DDX23: variants seen among roughly 807,000 people sequenced by gnomAD.
The protein encoded by DDX23 is DEAD-box helicase 23.
In DDX23, 33 loss-of-function variants were observed where a neutral mutation model predicts 102.7. That is an observed-to-expected ratio of 0.32 (90% CI 0.24 to 0.43). DDX23 has a LOEUF of 0.43. Among genes scored for constraint, DDX23 ranks in the 20% least tolerant of loss-of-function variants. DDX23 has a pLI of 1.00. For synonymous variants in DDX23, 352 were observed against 376.0 expected (o/e 0.94, Z 0.74); for missense variants, 549 against 1,086.6 (o/e 0.51, Z 6.96).
intron 1 of DDX23, among the ~76,000 whole-genome samples, chr12:48,850,610 G>C (rs963154550): frequency 6.6e-6 from 1 of 152,198 alleles, no homozygotes; most frequent in Non-Finnish European, 1.5e-5. Flanking sequence ...CCAGAATTGA[G>C]CTCTGGAACA....
chr12:48,849,401 C>T (rs1370996568), intron 1 of DDX23, among the ~76,000 whole-genome samples: 1 of 152,062 alleles, frequency 6.6e-6, no homozygotes, highest in Non-Finnish European at 1.5e-5. Context: ...CAGTGGCTCA[C>T]GCCTGTAATC....
At position 48,852,118 on chromosome 12, in the gene DDX23, C is replaced by T. The variant is rs1351924470; in HGVS notation, c.-35G>A. On this transcript the variant is annotated 5_prime_UTR_variant, in exon 1 of 17. Transcript: ENST00000308025. ...TCTGAACCGCCCAACGCGGCCTCAA[C>T]GTCGCGGAGCCGTCGCCATCTTTCC... is the stretch of plus-strand genomic sequence containing the variant. The T allele has an allele frequency of 1.3e-5, 2 of 152,398 alleles. No homozygotes were observed. The highest frequency in any genetic ancestry group is 4.8e-5 in the African/African-American group (2 of 41,468). 9.4% of individuals were successfully genotyped at this position (152,398 alleles called of 1,614,324 possible).
intron 5 of DDX23, 142 bp from the exon 6 acceptor site, chr12:48,838,222 G>C (rs566366062): frequency 8.2e-7 from 1 of 1,213,442 alleles, no homozygotes; most frequent in East Asian, 2.4e-5. Context: ...CCTTGGACTC[G>C]GTTATGGACT....
At chr12:48,846,496 C>T (rs2137496145) in intron 1 of DDX23, among the ~76,000 whole-genome samples, 1 of 152,226 alleles carries the variant, frequency 6.6e-6, no homozygotes, top group Middle Eastern at 3.4e-3. Context: ...ATAAAGAAAG[C>T]TCAATGGAGA....
chr12:48,832,008 TA>T lies in DDX23; in HGVS notation c.2064+69del. ...AGGGTGAGACTTGAAAGGAAGAGCC[TA>T]GGGGGCCCTGCTAGATTCAGAAAGC... On this transcript the variant is annotated intron_variant, in intron 15 of 16. Coordinates refer to ENST00000308025, the MANE Select transcript of DDX23 (RefSeq NM_004818.3). This position sits in a 1 kb window ranked among gnomAD's most constrained non-coding sequence, Gnocchi z 4.4. 1.4e-6 allele frequency: 2 copies of T among 1,430,348 alleles called. No individual in the cohort carries two copies. Among genetic ancestry groups the T allele is most frequent in the Non-Finnish European group, 2.0e-6 (2 of 1,016,430 alleles). 88.6% of individuals were successfully genotyped at this position (1,430,348 alleles called of 1,614,324 possible). A position where few individuals can be genotyped will look rare whatever the true frequency, so the allele number is the denominator to read the frequency against.
At chr12:48,846,981 T>C (rs1003904791) in intron 1 of DDX23, among the ~76,000 whole-genome samples, 3 of 152,234 alleles carry the variant, frequency 2.0e-5, no homozygotes, top group Non-Finnish European at 4.4e-5. Context: ...TTGGGATACA[T>C]TTCTCGCAAC....
chr12:48,849,800 C>T (rs748685697), intron 1 of DDX23, among the ~76,000 whole-genome samples: 1 of 152,162 alleles, frequency 6.6e-6, no homozygotes, highest in Non-Finnish European at 1.5e-5. Context: ...AGGAAAATAT[C>T]GTCCAGGAAC....
intron 3 of DDX23, among the ~76,000 whole-genome samples, chr12:48,842,679 G>A (rs1451464268): frequency 3.4e-5 from 5 of 146,184 alleles, no homozygotes; most frequent in African/African-American, 1.3e-4. Flanking sequence ...GAGGTGGGGG[G>A]GTCAGCCCCC....
At chr12:48,851,274 C>G (rs1938753775) in intron 1 of DDX23, among the ~76,000 whole-genome samples, 1 of 152,154 alleles carries the variant, frequency 6.6e-6, no homozygotes, top group African/African-American at 2.4e-5. Flanking sequence ...GAGTTCGAGA[C>G]CAGCCTGGGG....
chr12:48,835,834 T>C (rs1415671273), intron 11 of DDX23, among the ~76,000 whole-genome samples: 2 of 152,188 alleles, frequency 1.3e-5, no homozygotes, highest in African/African-American at 4.8e-5. Context: ...AAAGTTGTAG[T>C]GAGCTGAGAT....
chr12:48,843,919 C>T (rs1555171255), intron 3 of DDX23, 21 bp downstream of exon 3: 1 of 1,610,332 alleles, frequency 6.2e-7, no homozygotes, highest in Non-Finnish European at 8.5e-7. Flanking sequence ...CCCTAAAGCC[C>T]CCTCTCATTC....
Position 48,836,608 on chromosome 12 carries a change from G to C in DDX23, c.1197C>G (p.Pro399=). 6.2e-7 allele frequency: 1 copy of C among 1,613,982 alleles called. No individual in the cohort carries two copies. Among genetic ancestry groups the C allele is most frequent in the East Asian group, 2.2e-5 (1 of 44,882 alleles). The change falls in exon 10 of 17, where the codon CCC becomes CCG. Residue 399 remains proline, a synonymous_variant. Transcript: ENST00000308025. The surrounding 1 kb of genome is among the most constrained non-coding windows in gnomAD (Gnocchi z 6.1). ...PIRSWKDSSL[P]PHILEVIDKC... is the part of the protein sequence containing the mutation. Reference sequence around the variant, plus strand: ...TATCAATGACCTCCAAGATGTGTGGGGGCAGAGAAGAGTCTTTCCAGGATC... The same window carrying C: ...TATCAATGACCTCCAAGATGTGTGGCGGCAGAGAAGAGTCTTTCCAGGATC...
intron 11 of DDX23, chr12:48,835,070 C>T: frequency 5.7e-6 from 1 of 176,136 alleles, no homozygotes. Context: ...CATGGTAAAA[C>T]CCTGTTTCTA....
At chr12:48,839,979 G>A (rs539573373) in intron 4 of DDX23, 34 bp downstream of exon 4, 1 of 1,612,666 alleles carries the variant, frequency 6.2e-7, no homozygotes, top group South Asian at 1.1e-5. Context: ...CAACGCACGA[G>A]TTGAAGATGA....
chr12:48,832,984 C>T lies in DDX23; in HGVS notation c.1803+293G>A. The T allele has an allele frequency of 2.1e-6, 1 of 472,102 alleles. No homozygotes were observed. 29.2% of individuals were successfully genotyped at this position (472,102 alleles called of 1,614,324 possible). On this transcript the variant is annotated intron_variant, in intron 13 of 16. Transcript: ENST00000308025. This position sits in a 1 kb window ranked among gnomAD's most constrained non-coding sequence, Gnocchi z 4.4. Reference sequence around the variant, plus strand: ...AAAGGAGGTTGGCAACCTTGTACAACTTTTCTTTTTTTTTGAGACAGGGCC... The same window carrying T: ...AAAGGAGGTTGGCAACCTTGTACAATTTTTCTTTTTTTTTGAGACAGGGCC...
chr12:48,841,998 C>T (rs1183199894), intron 3 of DDX23, among the ~76,000 whole-genome samples: 3 of 150,074 alleles, frequency 2.0e-5, no homozygotes, highest in South Asian at 2.1e-4. Flanking sequence ...CCGGCCGCCC[C>T]GTCTGAGAAG....
In DDX23 at chr12:48,849,473, C is replaced by G. The variant is rs530569185; in HGVS notation, c.-1+2611G>C. On this transcript the variant is annotated intron_variant, in intron 1 of 16. Transcript: ENST00000308025. ...GGTCAGGAGTTCGAGACCAGCCTGG[C>G]CAACAGGGTGAAACCCCGTCTCTAC... 3.3e-5 allele frequency among the ~76,000 whole-genome samples: 5 copies of G among 151,886 alleles called. No homozygotes were observed. In the South Asian group the frequency reaches 1.0e-3, roughly 32 times the overall value.
chr12:48,832,544 T>G lies in DDX23; in HGVS notation c.1833A>C (p.Pro611=), dbSNP rs748606630. 9.3e-6 allele frequency: 15 copies of G among 1,613,922 alleles called. No individual in the cohort carries two copies. In the Admixed American group the frequency reaches 2.5e-4, roughly 27 times the overall value. ...QTVMFTATMP[P]AVERLARSYL... is the part of the protein sequence containing the mutation. ...AGCTCCTGGCCAGACGCTCCACCGCTGGGGGCATGGTGGCCGTGAACATGA... is the reference window on the plus strand; with the variant it reads ...AGCTCCTGGCCAGACGCTCCACCGCGGGGGGCATGGTGGCCGTGAACATGA... Residue 611 remains proline, a synonymous_variant, in exon 14 of 17, where the codon CCA becomes CCC. Transcript: ENST00000308025. The surrounding 1 kb of genome is among the most constrained non-coding windows in gnomAD (Gnocchi z 4.4).
At chr12:48,844,834 G>A (rs1474671237) in intron 2 of DDX23, among the ~76,000 whole-genome samples, 2 of 151,404 alleles carry the variant, frequency 1.3e-5, no homozygotes, top group Admixed American at 1.3e-4. Flanking sequence ...GGTCCAACTG[G>A]GCTAGGAGTA....
Sources: allele counts gnomAD v4.1 joint callset (sites outside exome capture counted in the v4.1 genomes callset), GRCh38; gene constraint gnomAD v4.1.1; non-coding constraint Gnocchi (gnomAD v3.1); transcripts MANE v1.5; gene names NCBI Gene and HGNC (gene_info 2026-07-23, HGNC 2026-07-21).